BABAM2: variants seen among roughly 807,000 people sequenced by gnomAD.
BABAM2 encodes the protein BRISC and BRCA1-A complex member 2.
Under a neutral mutation model 54.7 loss-of-function variants are expected in BABAM2, and 31 were observed. That is an observed-to-expected ratio of 0.57 (90% CI 0.43 to 0.77). The LOEUF is 0.77. Ranked by LOEUF, BABAM2 falls within the 30% of genes least tolerant of loss-of-function variation. The probability of loss-of-function intolerance (pLI) is 0.00; values close to 1 mark genes in which losing one functional copy is unlikely to be tolerated. For missense variants in BABAM2, 364 were observed against 455.8 expected, an observed-to-expected ratio of 0.80 and a Z score of 1.83; for synonymous variants, 167 against 162.9, an observed-to-expected ratio of 1.03 and a Z score of -0.19.
intron 11 of BABAM2, among the ~76,000 whole-genome samples, chr2:28,316,412 G>C (rs183932911): frequency 1.8e-5 from 2 of 113,380 alleles, no homozygotes; most frequent in African/African-American, 9.1e-5. Context: ...GTGGGAGTGG[G>C]GGTGGGGGTG....
At chr2:28,318,296 A>G (rs770410829) in intron 11 of BABAM2, among the ~76,000 whole-genome samples, 10 of 152,232 alleles carry the variant, frequency 6.6e-5, no homozygotes, top group Non-Finnish European at 1.5e-4. Flanking sequence ...AAAGCTATCC[A>G]GCTGCCTGTT....
chr2:28,323,640 G>C (rs188202918), intron 11 of BABAM2, among the ~76,000 whole-genome samples: 1 of 152,232 alleles, frequency 6.6e-6, no homozygotes, highest in East Asian at 1.9e-4. Context: ...TAAAGCTCCC[G>C]TGCCAAGTCC....
chr2:28,196,374 G>A (rs1195366444), intron 7 of BABAM2, among the ~76,000 whole-genome samples: 2 of 151,802 alleles, frequency 1.3e-5, no homozygotes, highest in African/African-American at 4.8e-5. Context: ...ATGTGTGTAT[G>A]TGTCTGTGTG....
intron 11 of BABAM2, among the ~76,000 whole-genome samples, chr2:28,337,888 G>A (rs1691608898): frequency 6.6e-6 from 1 of 152,224 alleles, no homozygotes; most frequent in Admixed American, 6.5e-5. Flanking sequence ...TTGGGTGGCT[G>A]AGGCAGTAGG....
chr2:28,282,827 A>G (rs1410517171), intron 10 of BABAM2, among the ~76,000 whole-genome samples: 2 of 151,818 alleles, frequency 1.3e-5, no homozygotes, highest in Non-Finnish European at 2.9e-5. Flanking sequence ...GTGAAACCCC[A>G]TCTCTACTAA....
chr2:27,888,893 G>T (rs533097571), upstream of BABAM2, among the ~76,000 whole-genome samples: 1 of 152,306 alleles, frequency 6.6e-6, no homozygotes, highest in East Asian at 1.9e-4. Flanking sequence ...AGAAAAAGAT[G>T]TACAGGCCTC....
chr2:27,959,258 A>G (rs752016087), intron 3 of BABAM2, among the ~76,000 whole-genome samples: 6 of 152,238 alleles, frequency 3.9e-5, no homozygotes, highest in Non-Finnish European at 8.8e-5. Context: ...CTAAGAGCCT[A>G]GGAATCCTGC....
chr2:28,016,048 G>A (rs1489362033), intron 4 of BABAM2: 2 of 696,548 alleles, frequency 2.9e-6, no homozygotes, highest in Non-Finnish European at 5.1e-6. Context: ...TTCAGTTTCT[G>A]ACATGGACCT....
At chr2:27,923,029 A>G (rs995995564) in intron 2 of BABAM2, among the ~76,000 whole-genome samples, 2 of 152,160 alleles carry the variant, frequency 1.3e-5, no homozygotes, top group African/African-American at 2.4e-5. Context: ...GTTATCTGTT[A>G]CTGATTTATG....
chr2:28,186,274 G>A (rs1383046838), intron 7 of BABAM2, among the ~76,000 whole-genome samples: 1 of 152,048 alleles, frequency 6.6e-6, no homozygotes, highest in Non-Finnish European at 1.5e-5. Flanking sequence ...ATGAACCTTC[G>A]ATACCCATCA....
intron 3 of BABAM2, among the ~76,000 whole-genome samples, chr2:27,978,944 AT>A (rs1671798195): frequency 1.3e-5 from 2 of 152,064 alleles, no homozygotes; most frequent in African/African-American, 4.8e-5. Flanking sequence ...CTCCAGCTAC[AT>A]CCATATTGCT....
intron 8 of BABAM2, 37 bp downstream of exon 8, chr2:28,237,338 T>C: frequency 6.4e-7 from 1 of 1,567,850 alleles, no homozygotes; most frequent in Non-Finnish European, 8.8e-7. Flanking sequence ...TCTTATGAGA[T>C]TTCTTCCTCC....
intron 6 of BABAM2, among the ~76,000 whole-genome samples, chr2:28,126,392 T>C (rs1162572359): frequency 6.8e-6 from 1 of 147,654 alleles, no homozygotes; most frequent in African/African-American, 2.5e-5. Context: ...GAACATGCGG[T>C]GTTTGGTTTT....
intron 7 of BABAM2, among the ~76,000 whole-genome samples, chr2:28,210,926 A>C (rs894953164): frequency 2.6e-5 from 4 of 152,270 alleles, no homozygotes; most frequent in Non-Finnish European, 5.9e-5. Flanking sequence ...ACAGAAAAAT[A>C]AAGTTATTTC....
At chr2:27,929,751 G>T in intron 2 of BABAM2, 81 bp from the exon 3 acceptor site, 1 of 1,256,324 alleles carries the variant, frequency 8.0e-7, no homozygotes, top group Non-Finnish European at 1.1e-6. Context: ...ATCCTGTTTT[G>T]TTTAGTATCA....
At chr2:28,225,841 C>T (rs1038588310) in intron 7 of BABAM2, among the ~76,000 whole-genome samples, 1 of 151,814 alleles carries the variant, frequency 6.6e-6, no homozygotes, top group African/African-American at 2.4e-5. Flanking sequence ...AGAAGTTTGA[C>T]CAAAGGGCCT....
At chr2:28,104,899 T>C (rs1265256411) in intron 6 of BABAM2, among the ~76,000 whole-genome samples, 1 of 152,106 alleles carries the variant, frequency 6.6e-6, no homozygotes, top group African/African-American at 2.4e-5. Context: ...GGGACATGGA[T>C]GAAGCTGGAA....
chr2:28,183,739 T>TCACACACACACA (rs1286120518), intron 7 of BABAM2, among the ~76,000 whole-genome samples: 18,191 of 132,886 alleles, frequency 0.14, 1,597 homozygotes, highest in East Asian at 0.33. Flanking sequence ...TGGATGAAGA[T>TCACACACACACA]CACACACACA....
intron 7 of BABAM2, among the ~76,000 whole-genome samples, chr2:28,164,154 T>G (rs1448808002): frequency 1.3e-5 from 2 of 152,238 alleles, no homozygotes; most frequent in Non-Finnish European, 2.9e-5. Flanking sequence ...TGGTGTCTGG[T>G]CACTTCTGTG....
Sources: gnomAD v4.1 joint callset for allele counts (sites outside exome capture counted in the v4.1 genomes callset) on GRCh38, gnomAD v4.1.1 for gene constraint, MANE v1.5 for transcripts, NCBI Gene and HGNC (gene_info 2026-07-23, HGNC 2026-07-21) for gene names.